RABEP1: variants seen among roughly 807,000 people sequenced by gnomAD.
The protein encoded by RABEP1 is rabaptin, RAB GTPase binding effector protein 1, also known as rab GTPase-binding effector protein 1.
RABEP1 carries 51 observed loss-of-function variants against 123.4 expected under a neutral mutation model. The observed-to-expected ratio is 0.41, with a 90% CI of 0.33 to 0.52. RABEP1 has a LOEUF of 0.52. RABEP1 is among the 20% of genes least tolerant of loss of function. The pLI is 0.16. For missense variants in RABEP1, 888 were observed against 996.3 expected (o/e 0.89, Z 1.46); for synonymous variants, 347 against 355.2 (o/e 0.98, Z 0.26).
intron 5 of RABEP1, among the ~76,000 whole-genome samples, chr17:5,344,261 A>G (rs1232040806): frequency 6.6e-6 from 1 of 152,034 alleles, no homozygotes; most frequent in Non-Finnish European, 1.5e-5. Context: ...AACATGGAGA[A>G]ACCCTGTCTC....
intron 2 of RABEP1, among the ~76,000 whole-genome samples, chr17:5,316,894 T>A (rs893248365): frequency 8.0e-5 from 12 of 150,588 alleles, no homozygotes; most frequent in South Asian, 2.1e-4. Flanking sequence ...TTGATAAATT[T>A]AAAAATTTTT....
At chr17:5,365,064 A>T (rs1909897188) in intron 10 of RABEP1, 58 bp from the exon 11 acceptor site, 4 of 1,058,144 alleles carry the variant, frequency 3.8e-6, no homozygotes, top group African/African-American at 4.2e-5. Context: ...TTAGATTTAA[A>T]AAAAAAAAAA....
rs1272271950 is a variant in RABEP1, at chr17:5,282,302, A to AGGTCGGC, written c.-178_-172dup. 36 of 412,006 alleles carry AGGTCGGC rather than the reference A, an allele frequency of 8.7e-5. No homozygotes were observed. The highest frequency in any genetic ancestry group is 6.0e-4 in the African/African-American group (29 of 48,664). 25.5% of individuals were successfully genotyped at this position (412,006 alleles called of 1,614,324 possible). A position where few individuals can be genotyped will look rare whatever the true frequency, so the allele number is the denominator to read the frequency against. ...TCCCGCTGTCAGGATGAGGAGGCGGAGGTCGGCGGTCGGGTCCGTCTCTGC... is the reference window on the plus strand; with the variant it reads ...TCCCGCTGTCAGGATGAGGAGGCGGAGGTCGGCGGTCGGCGGTCGGGTCCGTCTCTGC... On this transcript the variant is annotated 5_prime_UTR_variant, in exon 1 of 18. An upstream open reading frame in the 5' UTR gains an earlier in-frame stop. Coordinates refer to ENST00000537505, the MANE Select transcript of RABEP1 (RefSeq NM_004703.6).
At chr17:5,367,218 A>G (rs922001857) in intron 11 of RABEP1, among the ~76,000 whole-genome samples, 1 of 151,696 alleles carries the variant, frequency 6.6e-6, no homozygotes, top group African/African-American at 2.4e-5. Context: ...ATTCACATTT[A>G]TATCTAAAAT....
At chr17:5,313,432 T>C (rs2075264328) in intron 2 of RABEP1, among the ~76,000 whole-genome samples, 1 of 152,214 alleles carries the variant, frequency 6.6e-6, no homozygotes, top group Admixed American at 6.5e-5. Flanking sequence ...CCTTGTTTGT[T>C]TTGCTTTCTT....
chr17:5,304,906 A>G (rs1050617936), intron 1 of RABEP1, among the ~76,000 whole-genome samples: 2 of 152,182 alleles, frequency 1.3e-5, no homozygotes, highest in Non-Finnish European at 2.9e-5. Context: ...TCATTTGATC[A>G]CTACTTTTTT....
intron 2 of RABEP1, among the ~76,000 whole-genome samples, chr17:5,311,298 G>A (rs1259518460): frequency 1.3e-5 from 2 of 152,058 alleles, no homozygotes; most frequent in African/African-American, 2.4e-5. Flanking sequence ...AACATCTTGT[G>A]CTTGGAACTC....
intron 17 of RABEP1, among the ~76,000 whole-genome samples, chr17:5,382,001 G>A (rs938201242): frequency 3.3e-5 from 5 of 151,998 alleles, no homozygotes; most frequent in African/African-American, 4.8e-5. Flanking sequence ...GCTCCCTCGG[G>A]CACTCTATGA....
At chr17:5,292,276 G>A (rs996625814) in intron 1 of RABEP1, among the ~76,000 whole-genome samples, 1 of 151,882 alleles carries the variant, frequency 6.6e-6, no homozygotes, top group African/African-American at 2.4e-5. Flanking sequence ...ATTGGCTTTT[G>A]TTCATTTTTT....
chr17:5,349,624 A>G (rs1038692772), intron 6 of RABEP1, among the ~76,000 whole-genome samples: 4 of 152,154 alleles, frequency 2.6e-5, no homozygotes, highest in African/African-American at 4.8e-5. Context: ...ATTAAACACA[A>G]TTAGGAGTGT....
intron 1 of RABEP1, among the ~76,000 whole-genome samples, 185 bp downstream of exon 1, chr17:5,282,705 C>A (rs1039031985): frequency 4.1e-5 from 6 of 146,440 alleles, no homozygotes; most frequent in African/African-American, 1.5e-4. Flanking sequence ...CGGCTGCCGT[C>A]GCTGGGGAGG....
Position 5,377,192 on chromosome 17 carries a change from A to C in RABEP1, c.2102A>C (p.Lys701Thr). Reference protein sequence around the residue: ...VRTAADHVEEKLKAEILFLKE... With the variant: ...VRTAADHVEETLKAEILFLKE... Reference sequence around the variant, plus strand: ...ACAGCAGCAGACCACGTAGAAGAAAAGCTGAAGGCTGAGATACTTTTCCTA... The same window carrying C: ...ACAGCAGCAGACCACGTAGAAGAAACGCTGAAGGCTGAGATACTTTTCCTA... Residue 701 changes from lysine to threonine, a missense_variant, in exon 14 of 18, where the codon AAG becomes ACG. Physicochemically the swap from Lys to Thr is moderately conservative, Grantham distance 78. Transcript: ENST00000537505. 1 of 1,613,442 alleles carries C rather than the reference A, an allele frequency of 6.2e-7. No homozygotes were observed. The highest frequency in any genetic ancestry group is 8.5e-7 in the Non-Finnish European group (1 of 1,179,868).
chr17:5,294,738 C>T (rs936152388), intron 1 of RABEP1, among the ~76,000 whole-genome samples: 1 of 134,582 alleles, frequency 7.4e-6, no homozygotes, highest in African/African-American at 2.7e-5. Flanking sequence ...AGCTCTGCCT[C>T]CTGGGTTTGC....
Position 5,354,382 on chromosome 17 carries a change from C to G in RABEP1, c.987C>G (p.Leu329=). 1 of 1,611,972 alleles carries G rather than the reference C, an allele frequency of 6.2e-7. No homozygotes were observed. Among genetic ancestry groups the G allele is most frequent in the Non-Finnish European group, 8.5e-7 (1 of 1,179,128 alleles). ...KDQEDDEQQR[L]NKRKDHKKAD... ...AGGAGGATGATGAACAACAAAGACTCAATAAGAGAAAGGATCACAAAAAAG... is the reference window on the plus strand; with the variant it reads ...AGGAGGATGATGAACAACAAAGACTGAATAAGAGAAAGGATCACAAAAAAG... Residue 329 remains leucine (L), a synonymous_variant, in exon 8 of 18, where the codon CTC becomes CTG. Transcript: ENST00000537505.
In RABEP1 at chr17:5,386,192, A is replaced by C; in HGVS notation, c.*2969A>C. The C allele has an allele frequency of 6.2e-7, 1 of 1,607,460 alleles. No individual in the cohort carries two copies. Among genetic ancestry groups the C allele is most frequent in the East Asian group, 2.2e-5 (1 of 44,776 alleles). ...ATGGTGTTCAGTTCAGGTGTGAGTC[A>C]GCTCCTGGTGGTGTCAGAAGTTTAC... On this transcript the variant is annotated 3_prime_UTR_variant, in exon 18 of 18. Coordinates refer to ENST00000537505, the MANE Select transcript of RABEP1 (RefSeq NM_004703.6).
In RABEP1 at chr17:5,323,799, A is replaced by AAT. The variant is rs1190446236; in HGVS notation, c.164-8137_164-8136dup. ...CTAGGAATATATATATATATCTAGG[A>AAT]ATATATATATATATCTAGGAATATA... On this transcript the variant is annotated intron_variant, in intron 2 of 17. Transcript: ENST00000537505. Among the ~76,000 whole-genome samples, 243 of 104,460 alleles carry AAT rather than the reference A, an allele frequency of 2.3e-3. 35 individuals are homozygous for AAT. The highest frequency in any genetic ancestry group is 2.8e-3 in the Non-Finnish European group (161 of 56,586). 68.5% of individuals were successfully genotyped at this position (104,460 alleles called of 152,430 possible).
At chr17:5,355,256 GTCA>G (rs1285319929) in intron 8 of RABEP1, among the ~76,000 whole-genome samples, 2 of 152,112 alleles carry the variant, frequency 1.3e-5, no homozygotes, top group Non-Finnish European at 2.9e-5. Flanking sequence ...AGCCATGTTG[GTCA>G]TCATCTTGGG....
chr17:5,326,264 G>A lies in RABEP1; in HGVS notation c.164-5685G>A, dbSNP rs564316572. ...GAAGATGTCCTTCAATAGGTTAATGGATGAATACACTGGTATATTGAGACA... is the reference window on the plus strand; with the variant it reads ...GAAGATGTCCTTCAATAGGTTAATGAATGAATACACTGGTATATTGAGACA... On this transcript the variant is annotated intron_variant, in intron 2 of 17. Transcript: ENST00000537505. Among the ~76,000 whole-genome samples the A allele has an allele frequency of 3.3e-5, 5 of 152,258 alleles. No individual in the cohort carries two copies. The South Asian group carries it at 1.0e-3, about 32-fold the overall frequency.
Position 5,378,129 on chromosome 17 carries a change from T to C in RABEP1, c.2216-48T>C, listed in dbSNP as rs112552405. 8 of 1,424,340 alleles carry C rather than the reference T, an allele frequency of 5.6e-6. 1 individual carries two copies. Among genetic ancestry groups the C allele is most frequent in the Non-Finnish European group, 7.8e-6 (8 of 1,025,544 alleles). 88.2% of individuals were successfully genotyped at this position (1,424,340 alleles called of 1,614,324 possible). On this transcript the variant is annotated intron_variant, in intron 14 of 17. Coordinates refer to ENST00000537505, the MANE Select transcript of RABEP1 (RefSeq NM_004703.6). ...AAAATTTTAAAGAAAAAAATGTTCATGCACAATAATAGATGAATGCTAATA... is the reference window on the plus strand; with the variant it reads ...AAAATTTTAAAGAAAAAAATGTTCACGCACAATAATAGATGAATGCTAATA...
Sources: allele counts gnomAD v4.1 joint callset (sites outside exome capture counted in the v4.1 genomes callset), GRCh38; gene constraint gnomAD v4.1.1; transcripts MANE v1.5; gene names NCBI Gene and HGNC (gene_info 2026-07-23, HGNC 2026-07-21).